The following ZNF804A variants were observed in gnomAD, a reference collection of about 807,000 sequenced individuals.
The protein encoded by ZNF804A is zinc finger protein 804A.
A neutral mutation model predicts 16.5 loss-of-function variants in ZNF804A; 2 were observed. The ratio of observed to expected loss-of-function variants is 0.12; its 90% CI spans 0.05 to 0.38. ZNF804A has a LOEUF of 0.38. Ranked by LOEUF, ZNF804A falls within the 10% of genes least tolerant of loss-of-function variation. ZNF804A has a pLI of 0.99. For missense variants in ZNF804A, 1,473 were observed against 1,390.7 expected, an observed-to-expected ratio of 1.06 and a Z score of -0.94; for synonymous variants, 534 against 489.6, an observed-to-expected ratio of 1.09 and a Z score of -1.20.
intron 1 of ZNF804A, among the ~76,000 whole-genome samples, chr2:184,703,689 C>CTAA (rs1559130426): frequency 1.2e-4 from 7 of 56,450 alleles, no homozygotes; most frequent in East Asian, 7.0e-4. Flanking sequence ...GACTCCGGTT[C>CTAA]AAAAAAAAAA....
At chr2:184,819,477 C>G (rs1299206321) in intron 1 of ZNF804A, among the ~76,000 whole-genome samples, 1 of 151,646 alleles carries the variant, frequency 6.6e-6, no homozygotes, top group Non-Finnish European at 1.5e-5. Context: ...AGAAAAATCT[C>G]AAATTAGCAA....
rs1379300140 is a variant in ZNF804A at position 184,850,163 on chromosome 2, A to T, written c.112-16206A>T. 2.0e-5 allele frequency among the ~76,000 whole-genome samples: 3 copies of T among 151,986 alleles called. No homozygotes were observed. In the East Asian group the frequency reaches 5.8e-4, roughly 29 times the overall value. ...AAGATCTAACATTTGATAGCACAAC[A>T]GGATGACTACAGCCAGCAATAATTT... On this transcript the variant is annotated intron_variant, in intron 1 of 3. Coordinates refer to ENST00000302277, the MANE Select transcript of ZNF804A (RefSeq NM_194250.2).
At chr2:184,787,869 T>C (rs1166876921) in intron 1 of ZNF804A, among the ~76,000 whole-genome samples, 1 of 151,910 alleles carries the variant, frequency 6.6e-6, no homozygotes, top group Non-Finnish European at 1.5e-5. Context: ...TCTATATTTG[T>C]TTTTGTTACA....
At chr2:184,693,110 T>C (rs1692760601) in intron 1 of ZNF804A, among the ~76,000 whole-genome samples, 1 of 152,124 alleles carries the variant, frequency 6.6e-6, no homozygotes, top group African/African-American at 2.4e-5. Context: ...CATTGTGGGG[T>C]TAGAACATAT....
At chr2:184,727,992 G>A (rs1165082547) in intron 1 of ZNF804A, among the ~76,000 whole-genome samples, 1 of 151,686 alleles carries the variant, frequency 6.6e-6, no homozygotes, top group African/African-American at 2.4e-5. Flanking sequence ...GCATTGGGTG[G>A]TTATTAACTG....
chr2:184,856,574 T>A (rs1695690910), intron 1 of ZNF804A, among the ~76,000 whole-genome samples: 1 of 152,078 alleles, frequency 6.6e-6, no homozygotes. Context: ...TATAAGAAAA[T>A]GATTGTTTAT....
chr2:184,758,944 C>G (rs1175688327), intron 1 of ZNF804A, among the ~76,000 whole-genome samples: 4 of 151,868 alleles, frequency 2.6e-5, no homozygotes, highest in African/African-American at 9.6e-5. Context: ...ATTCAATTTT[C>G]TCAAATTTTT....
chr2:184,884,519 A>G (rs1307395686), intron 2 of ZNF804A, among the ~76,000 whole-genome samples: 2 of 152,104 alleles, frequency 1.3e-5, no homozygotes, highest in Non-Finnish European at 2.9e-5. Flanking sequence ...AAAAAAATCA[A>G]AGCTGGAGAC....
At chr2:184,794,680 G>T (rs142604234) in intron 1 of ZNF804A, among the ~76,000 whole-genome samples, 1 of 152,144 alleles carries the variant, frequency 6.6e-6, no homozygotes, top group African/African-American at 2.4e-5. Context: ...GAATGTAAGC[G>T]GCCTAAATGC....
intron 1 of ZNF804A, among the ~76,000 whole-genome samples, chr2:184,807,970 T>C (rs1367077312): frequency 1.3e-5 from 2 of 151,682 alleles, no homozygotes; most frequent in African/African-American, 2.4e-5. Flanking sequence ...AATCATACTA[T>C]AGGCTTTTTT....
In ZNF804A at chr2:184,939,042, GA is replaced by G. The variant is rs747215976; in HGVS notation, c.*23del. On this transcript the variant is annotated 3_prime_UTR_variant, in exon 4 of 4. Coordinates refer to ENST00000302277, the MANE Select transcript of ZNF804A (RefSeq NM_194250.2). ...TCTCTTCTAGTCATCACCATAATGG[GA>G]AAAAAATACTCTTGTGAAAACTATT... 29 of 1,603,372 alleles carry G rather than the reference GA, an allele frequency of 1.8e-5. No homozygotes were observed. The highest frequency in any genetic ancestry group is 2.4e-5 in the Non-Finnish European group (28 of 1,174,022).
At chr2:184,912,192 C>T (rs141420925) in intron 2 of ZNF804A, among the ~76,000 whole-genome samples, 42 of 152,106 alleles carry the variant, frequency 2.8e-4, no homozygotes, top group Non-Finnish European at 4.0e-4. Flanking sequence ...AATAATTTTT[C>T]TGTCTCTATT....
chr2:184,781,419 C>A (rs1173532519), intron 1 of ZNF804A, among the ~76,000 whole-genome samples: 5 of 151,674 alleles, frequency 3.3e-5, no homozygotes, highest in African/African-American at 1.2e-4. Flanking sequence ...TATATTTCCC[C>A]ACAAAATCAC....
chr2:184,855,423 A>G (rs1001327242), intron 1 of ZNF804A, among the ~76,000 whole-genome samples: 18 of 152,094 alleles, frequency 1.2e-4, no homozygotes, highest in African/African-American at 4.3e-4. Context: ...AGATTTTGTT[A>G]TTTCTTGAAA....
intron 1 of ZNF804A, among the ~76,000 whole-genome samples, chr2:184,722,119 A>T (rs1316439467): frequency 6.6e-6 from 1 of 151,716 alleles, no homozygotes; most frequent in East Asian, 1.9e-4. Flanking sequence ...GTTGGGGGGG[A>T]TGAAGAAACA....
chr2:184,771,778 C>T (rs1392893169), intron 1 of ZNF804A, among the ~76,000 whole-genome samples: 1 of 151,910 alleles, frequency 6.6e-6, no homozygotes, highest in Non-Finnish European at 1.5e-5. Flanking sequence ...AGACAAGTTA[C>T]GATGATGCCC....
At chr2:184,629,328 G>A (rs944504166) in intron 1 of ZNF804A, among the ~76,000 whole-genome samples, 45 of 151,976 alleles carry the variant, frequency 3.0e-4, no homozygotes, top group African/African-American at 1.0e-3. Flanking sequence ...ACTCCTGAGA[G>A]GGAAACCTAT....
At chr2:184,639,493 C>T (rs990814922) in intron 1 of ZNF804A, among the ~76,000 whole-genome samples, 12 of 151,950 alleles carry the variant, frequency 7.9e-5, no homozygotes, top group Admixed American at 2.6e-4. Flanking sequence ...TCAGTTTCCT[C>T]GCTCCATTTG....
chr2:184,669,044 T>C (rs535425317), intron 1 of ZNF804A, among the ~76,000 whole-genome samples: 4 of 152,090 alleles, frequency 2.6e-5, no homozygotes, highest in African/African-American at 9.6e-5. Context: ...CTCGGTTTTG[T>C]GAGGGAGCAT....
Sources: allele counts gnomAD v4.1 joint callset (sites outside exome capture counted in the v4.1 genomes callset), GRCh38; gene constraint gnomAD v4.1.1; transcripts MANE v1.5; gene names NCBI Gene and HGNC (gene_info 2026-07-23, HGNC 2026-07-21).